The following HERC4 variants were observed in gnomAD, a reference collection of about 807,000 sequenced individuals.
The protein encoded by HERC4 is probable E3 ubiquitin-protein ligase HERC4.
Under a neutral mutation model 124.3 loss-of-function variants are expected in HERC4, and 28 were observed. The observed-to-expected ratio is 0.23, with a 90% CI of 0.17 to 0.31. The LOEUF is 0.31. Among genes scored for constraint, HERC4 ranks in the 10% least tolerant of loss-of-function variants. HERC4 has a pLI of 1.00. For missense variants in HERC4, 713 were observed against 1,229.3 expected, an observed-to-expected ratio of 0.58 and a Z score of 6.28; for synonymous variants, 407 against 421.5, an observed-to-expected ratio of 0.97 and a Z score of 0.42.
chr10:68,059,588 C>CATATTATATATCATA (rs1417050517), intron 3 of HERC4, among the ~76,000 whole-genome samples: 6 of 82,038 alleles, frequency 7.3e-5, no homozygotes, highest in South Asian at 3.4e-4. Flanking sequence ...TATTATATAT[C>CATATTATATATCATA]ATATTATATA....
intron 5 of HERC4, among the ~76,000 whole-genome samples, chr10:68,037,209 C>T (rs899791102): frequency 1.3e-5 from 2 of 151,260 alleles, no homozygotes; most frequent in Non-Finnish European, 2.9e-5. Context: ...ATTCTCCTGC[C>T]TCAGCCTCCC....
chr10:68,025,700 T>C (rs2038863298), intron 7 of HERC4, 24 bp from the exon 8 acceptor site: 1 of 1,588,816 alleles, frequency 6.3e-7, no homozygotes, highest in Admixed American at 1.8e-5. Context: ...AAACCCCTTA[T>C]CATTAGAAGG....
At chr10:68,069,586 A>G in intron 3 of HERC4, 1 of 985,362 alleles carries the variant, frequency 1.0e-6, no homozygotes, top group Non-Finnish European at 1.2e-6. Context: ...GTCCTCCAGT[A>G]GGTTATTATG....
chr10:68,041,695 T>C lies in HERC4; in HGVS notation c.386+2709A>G, dbSNP rs547772149. Reference sequence around the variant, plus strand: ...TTTCTGAAGTCTGTGTGCAAAGTTATGTGTTTCCACTTATATTAAACTACG... The same window carrying C: ...TTTCTGAAGTCTGTGTGCAAAGTTACGTGTTTCCACTTATATTAAACTACG... On this transcript the variant is annotated intron_variant, in intron 4 of 24. Coordinates refer to ENST00000373700, the MANE Select transcript of HERC4 (RefSeq NM_015601.4). 1.2e-4 allele frequency among the ~76,000 whole-genome samples: 19 copies of C among 152,326 alleles called. No homozygotes were observed. In the South Asian group the frequency reaches 3.7e-3, roughly 30 times the overall value.
intron 15 of HERC4, 106 bp downstream of exon 15, chr10:67,988,557 T>A: frequency 1.3e-6 from 1 of 764,860 alleles, no homozygotes. Flanking sequence ...ATAATATGCA[T>A]TGTTTTTGCC....
intron 15 of HERC4, among the ~76,000 whole-genome samples, chr10:67,972,618 G>A (rs1262350315): frequency 7.0e-6 from 1 of 143,438 alleles, no homozygotes; most frequent in Non-Finnish European, 1.5e-5. Flanking sequence ...ATTTACAATA[G>A]CATCAAAAAC....
At chr10:67,924,465 G>A (rs1318962556) in intron 24 of HERC4, among the ~76,000 whole-genome samples, 3 of 152,214 alleles carry the variant, frequency 2.0e-5, no homozygotes, top group Non-Finnish European at 4.4e-5. Context: ...GCATGTTACT[G>A]TACTGAATTC....
intron 15 of HERC4, 51 bp from the exon 16 acceptor site, chr10:67,966,853 A>G (rs2034895772): frequency 7.0e-7 from 1 of 1,427,550 alleles, no homozygotes; most frequent in African/African-American, 1.5e-5. Flanking sequence ...CTCAAGACAG[A>G]CAAATTTTTT....
At chr10:67,949,103 A>T (rs141077281) in intron 19 of HERC4, among the ~76,000 whole-genome samples, 21 of 151,420 alleles carry the variant, frequency 1.4e-4, no homozygotes, top group Admixed American at 5.3e-4. Context: ...AAATAAAATA[A>T]AATAAAATAA....
chr10:67,958,898 G>GTGTA (rs2034315690), intron 16 of HERC4, among the ~76,000 whole-genome samples: 1 of 152,098 alleles, frequency 6.6e-6, no homozygotes, highest in Non-Finnish European at 1.5e-5. Context: ...CATCATATAG[G>GTGTA]TGTAATGTTA....
intron 15 of HERC4, among the ~76,000 whole-genome samples, chr10:67,980,379 C>T (rs1305058517): frequency 8.6e-5 from 13 of 152,020 alleles, no homozygotes; most frequent in Non-Finnish European, 8.8e-5. Context: ...GTGATACACC[C>T]GCGTCAGTCT....
At chr10:67,996,739 C>T (rs2036905990) in intron 9 of HERC4, among the ~76,000 whole-genome samples, 1 of 152,014 alleles carries the variant, frequency 6.6e-6, no homozygotes, top group Admixed American at 6.6e-5. Context: ...AATCTCAGCA[C>T]TTTGGGAGGC....
At chr10:68,057,011 CAGAT>C (rs1212950665) in intron 3 of HERC4, among the ~76,000 whole-genome samples, 2 of 152,154 alleles carry the variant, frequency 1.3e-5, no homozygotes, top group Admixed American at 1.3e-4. Flanking sequence ...TTTGTTTTGA[CAGAT>C]AAAGATAGCT....
intron 19 of HERC4, among the ~76,000 whole-genome samples, chr10:67,947,348 T>C (rs575061671): frequency 6.6e-6 from 1 of 152,292 alleles, no homozygotes; most frequent in South Asian, 2.1e-4. Context: ...CAGACTAATA[T>C]GATGCAAAAT....
chr10:68,065,574 C>G (rs2041259148), intron 3 of HERC4, among the ~76,000 whole-genome samples: 1 of 151,960 alleles, frequency 6.6e-6, no homozygotes, highest in Admixed American at 6.6e-5. Flanking sequence ...AAAACAAAAA[C>G]AAACAAACTC....
intron 3 of HERC4, among the ~76,000 whole-genome samples, chr10:68,059,489 T>TATA (rs1453502836): frequency 8.1e-5 from 8 of 98,542 alleles, no homozygotes; most frequent in African/African-American, 1.9e-4. Context: ...TATTATATAT[T>TATA]ATAACATTAT....
intron 20 of HERC4, 103 bp downstream of exon 20, chr10:67,940,836 A>C: frequency 9.9e-7 from 1 of 1,013,202 alleles, no homozygotes; most frequent in Non-Finnish European, 1.4e-6. Context: ...AAATTTAACA[A>C]GAAGAACAAA....
At chr10:68,061,532 CAAAAAAAAAAAAAAA>C (rs59169970) in intron 3 of HERC4, among the ~76,000 whole-genome samples, 11 of 13,990 alleles carry the variant, frequency 7.9e-4, no homozygotes, top group African/African-American at 5.2e-4. Flanking sequence ...GACTCCGTCT[CAAAAAAAAAAAAAAA>C]AAAAAAAAAA....
chr10:68,059,657 C>CATAATA (rs574195120), intron 3 of HERC4, among the ~76,000 whole-genome samples: 836 of 36,606 alleles, frequency 0.023, 200 homozygotes, highest in African/African-American at 0.15. Context: ...TATTATATAT[C>CATAATA]ATATTATATA....
Sources: gnomAD v4.1 joint callset for allele counts (sites outside exome capture counted in the v4.1 genomes callset) on GRCh38, gnomAD v4.1.1 for gene constraint, MANE v1.5 for transcripts, NCBI Gene and HGNC (gene_info 2026-07-23, HGNC 2026-07-21) for gene names.